The following CDH18 variants were observed in gnomAD, a reference collection of about 807,000 sequenced individuals.
CDH18 encodes cadherin 18.
CDH18 carries 31 observed loss-of-function variants against 67.9 expected under a neutral mutation model. The ratio of observed to expected loss-of-function variants is 0.46; its 90% CI spans 0.34 to 0.62. The LOEUF (loss-of-function observed/expected upper bound fraction) is 0.62. Ranked by LOEUF, CDH18 falls within the 20% of genes least tolerant of loss-of-function variation. CDH18 has a pLI of 0.01. For synonymous variants in CDH18, 362 were observed against 347.2 expected, an observed-to-expected ratio of 1.04 and a Z score of -0.48; for missense variants, 890 against 975.5, an observed-to-expected ratio of 0.91 and a Z score of 1.17.
chr5:20,573,849 T>TTA (rs70954673), intron 1 of CDH18, among the ~76,000 whole-genome samples: 1 of 113,440 alleles, frequency 8.8e-6, no homozygotes, highest in Non-Finnish European at 1.8e-5. Flanking sequence ...ATATATGTAT[T>TTA]TATATATAAA....
intron 2 of CDH18, among the ~76,000 whole-genome samples, chr5:19,946,947 G>A (rs1795331236): frequency 6.6e-6 from 1 of 152,008 alleles, no homozygotes; most frequent in African/African-American, 2.4e-5. Context: ...ATCAAACCAT[G>A]TAATCCACCA....
chr5:20,266,680 G>A lies in CDH18; in HGVS notation c.-579-11175C>T, dbSNP rs79709166. On this transcript the variant is annotated intron_variant, in intron 1 of 14. Transcript: ENST00000507958. ...AGGCCTCAAGCGATCCACCCAACTC[G>A]GCCTCCTAGCGTGCTGGGATTACAG... is the stretch of plus-strand genomic sequence containing the variant. Among the ~76,000 whole-genome samples, 886 of 146,500 alleles carry A rather than the reference G, an allele frequency of 6.0e-3. 10 individuals are homozygous for A. The highest frequency in any genetic ancestry group is 0.021 in the African/African-American group (837 of 39,366).
intron 1 of CDH18, among the ~76,000 whole-genome samples, chr5:20,265,314 C>CA (rs952352623): frequency 4.0e-5 from 6 of 151,294 alleles, no homozygotes; most frequent in Non-Finnish European, 7.4e-5. Flanking sequence ...AGAAAAAGTC[C>CA]AAAAAAAATT....
chr5:20,429,871 C>A (rs1748601775), intron 1 of CDH18, among the ~76,000 whole-genome samples: 1 of 152,108 alleles, frequency 6.6e-6, no homozygotes, highest in Admixed American at 6.6e-5. Flanking sequence ...AATGCCAATA[C>A]TAGTACATAT....
At chr5:20,548,446 T>C (rs1337162311) in intron 1 of CDH18, among the ~76,000 whole-genome samples, 2 of 150,062 alleles carry the variant, frequency 1.3e-5, no homozygotes, top group African/African-American at 2.5e-5. Flanking sequence ...TGTTTGTGTG[T>C]GTGTGTGTGT....
At chr5:20,102,290 G>A (rs1433187877) in intron 2 of CDH18, among the ~76,000 whole-genome samples, 1 of 151,484 alleles carries the variant, frequency 6.6e-6, no homozygotes, top group African/African-American at 2.4e-5. Context: ...ATGTACTTAC[G>A]GAAGTACGTT....
chr5:19,846,595 C>A (rs1253279062), intron 2 of CDH18, among the ~76,000 whole-genome samples: 1 of 152,036 alleles, frequency 6.6e-6, no homozygotes, highest in Admixed American at 6.6e-5. Flanking sequence ...GGATGTGAAA[C>A]CCATATATAG....
intron 1 of CDH18, among the ~76,000 whole-genome samples, chr5:20,399,819 T>C (rs1220375950): frequency 6.6e-6 from 1 of 152,160 alleles, no homozygotes; most frequent in Non-Finnish European, 1.5e-5. Flanking sequence ...TATTATCTTC[T>C]TTGAGACATG....
At position 19,755,454 on chromosome 5, in the gene CDH18, T is replaced by TAC. The variant is rs1554024397; in HGVS notation, c.229-8219_229-8218insGT. Among the ~76,000 whole-genome samples, 17 of 19,436 alleles carry TAC rather than the reference T, an allele frequency of 8.7e-4. 1 individual carries two copies. Among genetic ancestry groups the TAC allele is most frequent in the African/African-American group, 1.3e-3 (17 of 13,550 alleles). The allele number at this position is 19,436 out of a possible 152,430, so 12.8% of individuals were successfully genotyped here. A position where few individuals can be genotyped will look rare whatever the true frequency, so the allele number is the denominator to read the frequency against. ...ATGTATATATATATATATATATATA[T>TAC]ATATACACACACACACACACATACA... On this transcript the variant is annotated intron_variant, in intron 3 of 12. Coordinates refer to ENST00000382275, the MANE Select transcript of CDH18 (RefSeq NM_004934.5).
At chr5:20,125,789 C>A (rs969379197) in intron 2 of CDH18, among the ~76,000 whole-genome samples, 2 of 152,084 alleles carry the variant, frequency 1.3e-5, no homozygotes, top group East Asian at 3.9e-4. Flanking sequence ...ACCACTGAGA[C>A]AATCATAGTT....
intron 4 of CDH18, among the ~76,000 whole-genome samples, chr5:19,727,470 GGA>G (rs1766990943): frequency 6.6e-6 from 1 of 152,134 alleles, no homozygotes; most frequent in South Asian, 2.1e-4. Flanking sequence ...AGATGCTATG[GGA>G]GAGCTGTGAA....
intron 2 of CDH18, among the ~76,000 whole-genome samples, chr5:19,925,964 A>G (rs1793033989): frequency 6.6e-6 from 1 of 152,206 alleles, no homozygotes; most frequent in Non-Finnish European, 1.5e-5. Context: ...AAGTTTTATA[A>G]TAGATTCGTG....
chr5:20,254,889 TA>T (rs34130296), intron 2 of CDH18, among the ~76,000 whole-genome samples: 44,406 of 148,842 alleles, frequency 0.3, 7,345 homozygotes, highest in Non-Finnish European at 0.37. Flanking sequence ...AAAGATCGGA[TA>T]AAAAAAAAAT....
At chr5:20,120,254 G>A (rs985724420) in intron 2 of CDH18, among the ~76,000 whole-genome samples, 2 of 152,240 alleles carry the variant, frequency 1.3e-5, no homozygotes, top group African/African-American at 4.8e-5. Context: ...GGTGGAAGAT[G>A]ATGATCATGA....
At chr5:19,756,770 T>A (rs1228319418) in intron 3 of CDH18, among the ~76,000 whole-genome samples, 1 of 152,228 alleles carries the variant, frequency 6.6e-6, no homozygotes, top group African/African-American at 2.4e-5. Context: ...AACTAAGGCC[T>A]CTAGGCCAGC....
At chr5:20,515,794 G>A (rs1342811762) in intron 1 of CDH18, among the ~76,000 whole-genome samples, 2 of 151,992 alleles carry the variant, frequency 1.3e-5, no homozygotes, top group Non-Finnish European at 2.9e-5. Context: ...AGAAACCGAT[G>A]CCAGTTTTAT....
rs144629231 is a variant in CDH18 at position 19,764,741 on chromosome 5, T to C, written c.229-17505A>G. 5.4e-3 allele frequency among the ~76,000 whole-genome samples: 821 copies of C among 152,116 alleles called. 2 individuals are homozygous for C. The highest frequency in any genetic ancestry group is 0.011 in the South Asian group (55 of 4,826). On this transcript the variant is annotated intron_variant, in intron 3 of 12. Transcript: ENST00000382275. ...TTATCTTTTAAAAGGTTATGGGTTTTATTTGAGCCAGTTATGTGAAAAAGT... is the reference window on the plus strand; with the variant it reads ...TTATCTTTTAAAAGGTTATGGGTTTCATTTGAGCCAGTTATGTGAAAAAGT...
intron 1 of CDH18, among the ~76,000 whole-genome samples, chr5:20,333,250 T>G (rs2150029005): frequency 6.6e-6 from 1 of 152,150 alleles, no homozygotes; most frequent in Non-Finnish European, 1.5e-5. Flanking sequence ...GGCTCACACC[T>G]GTAATCCCAG....
chr5:19,798,544 C>T (rs1309797321), intron 3 of CDH18, among the ~76,000 whole-genome samples: 1 of 151,802 alleles, frequency 6.6e-6, no homozygotes, highest in Non-Finnish European at 1.5e-5. Flanking sequence ...TGAGGCTCTG[C>T]TTTCTAGCAA....
Sources: allele counts gnomAD v4.1 joint callset (sites outside exome capture counted in the v4.1 genomes callset), GRCh38; gene constraint gnomAD v4.1.1; transcripts MANE v1.5; gene names NCBI Gene and HGNC (gene_info 2026-07-23, HGNC 2026-07-21).